Variants in ATG7 observed in about 807,000 individuals in gnomAD.
The protein encoded by ATG7 is autophagy related 7, also known as ubiquitin-like modifier-activating enzyme ATG7.
Under a neutral mutation model 82.4 loss-of-function variants are expected in ATG7, and 70 were observed. The ratio of observed to expected loss-of-function variants is 0.85; its 90% CI spans 0.70 to 1.04. ATG7 has a LOEUF of 1.04. Ranked by LOEUF, ATG7 falls within the 50% of genes least tolerant of loss-of-function variation. The probability of loss-of-function intolerance (pLI) is 0.00; values close to 1 mark genes in which losing one functional copy is unlikely to be tolerated. For synonymous variants in ATG7, 287 were observed against 313.0 expected (o/e 0.92, Z 0.88); for missense variants, 792 against 864.3 (o/e 0.92, Z 1.05).
intron 20 of ATG7, among the ~76,000 whole-genome samples, chr3:11,539,407 A>G (rs905254266): frequency 6.6e-6 from 1 of 152,262 alleles, no homozygotes; most frequent in African/African-American, 2.4e-5. Context: ...ATTAATGGCT[A>G]TAGCAGAATC....
At chr3:11,430,833 G>C (rs964384168) in intron 20 of ATG7, among the ~76,000 whole-genome samples, 2 of 152,214 alleles carry the variant, frequency 1.3e-5, no homozygotes, top group African/African-American at 4.8e-5. Context: ...GTCAAGAAAA[G>C]CTTCACAGGA....
chr3:11,503,952 T>C (rs1324941829), intron 20 of ATG7, among the ~76,000 whole-genome samples: 1 of 151,804 alleles, frequency 6.6e-6, no homozygotes, highest in East Asian at 1.9e-4. Flanking sequence ...ATTCAAATAA[T>C]AGAGTTTGCG....
At chr3:11,329,507 T>TCTTC (rs1200192612) in intron 9 of ATG7, among the ~76,000 whole-genome samples, 1 of 152,222 alleles carries the variant, frequency 6.6e-6, no homozygotes, top group East Asian at 1.9e-4. Context: ...TTCCTTTCTT[T>TCTTC]CTTCCACCCA....
intron 8 of ATG7, among the ~76,000 whole-genome samples, chr3:11,314,571 T>C (rs1949129009): frequency 6.6e-6 from 1 of 152,162 alleles, no homozygotes. Context: ...ATTATTGCTG[T>C]GGTGCTTGCA....
rs138246308 is a variant in ATG7 at position 11,468,129 on chromosome 3, G to A, written c.2079+41203G>A. Among the ~76,000 whole-genome samples, 264 of 152,340 alleles carry A rather than the reference G, an allele frequency of 1.7e-3. 1 individual carries two copies. The highest frequency in any genetic ancestry group is 5.4e-3 in the African/African-American group (226 of 41,580). ...GTCAGAAATTCAGCTATAGAAGAGCGTGACTTTCATCCCTGCTCGCCCTTT... is the reference window on the plus strand; with the variant it reads ...GTCAGAAATTCAGCTATAGAAGAGCATGACTTTCATCCCTGCTCGCCCTTT... On this transcript the variant is annotated intron_variant, in intron 20 of 20. Transcript: ENST00000693202.
chr3:11,385,399 A>G (rs531558373), intron 19 of ATG7, among the ~76,000 whole-genome samples: 3 of 152,334 alleles, frequency 2.0e-5, no homozygotes, highest in African/African-American at 7.2e-5. Flanking sequence ...CAAATGCACC[A>G]CTTAGAAAGG....
chr3:11,355,060 C>T (rs1034339791), intron 14 of ATG7, among the ~76,000 whole-genome samples: 6 of 152,222 alleles, frequency 3.9e-5, no homozygotes, highest in Non-Finnish European at 8.8e-5. Context: ...AATGAGGGAG[C>T]TGTGCACAGG....
chr3:11,481,823 CTT>C (rs748719989), intron 20 of ATG7, among the ~76,000 whole-genome samples: 116 of 152,278 alleles, frequency 7.6e-4, no homozygotes, highest in Non-Finnish European at 1.4e-3. Context: ...GTCATTTAAT[CTT>C]TGTGGACCGC....
At chr3:11,493,113 A>T (rs577307328) in intron 20 of ATG7, among the ~76,000 whole-genome samples, 1 of 152,342 alleles carries the variant, frequency 6.6e-6, no homozygotes, top group South Asian at 2.1e-4. Context: ...ACGTAGACGA[A>T]TTGAAGTTAT....
intron 20 of ATG7, among the ~76,000 whole-genome samples, chr3:11,525,922 C>T (rs889230081): frequency 6.6e-6 from 1 of 152,114 alleles, no homozygotes; most frequent in African/African-American, 2.4e-5. Context: ...TTTAATTCCT[C>T]ATGTGTAGAG....
intron 20 of ATG7, among the ~76,000 whole-genome samples, chr3:11,429,012 C>G (rs1221451699): frequency 2.6e-5 from 4 of 152,144 alleles, no homozygotes. Flanking sequence ...TGGTTTCATC[C>G]ACGAGCCTGA....
At chr3:11,468,320 G>T (rs2087048467) in intron 20 of ATG7, among the ~76,000 whole-genome samples, 1 of 152,172 alleles carries the variant, frequency 6.6e-6, no homozygotes, top group Non-Finnish European at 1.5e-5. Context: ...GGAGCTAGTG[G>T]GAGAGCACAG....
chr3:11,273,974 C>A (rs879490308), intron 1 of ATG7, among the ~76,000 whole-genome samples: 4 of 152,112 alleles, frequency 2.6e-5, no homozygotes, highest in Non-Finnish European at 5.9e-5. Flanking sequence ...AACTGCTTTC[C>A]CATCCCCCAA....
At chr3:11,491,890 T>C (rs148320985) in intron 20 of ATG7, among the ~76,000 whole-genome samples, 1,722 of 152,266 alleles carry the variant, frequency 0.011, 31 homozygotes, top group African/African-American at 0.039. Context: ...ACATTTAAGT[T>C]TGCAGAGGTT....
the ATG7 span, chr3:11,568,740 C>T: frequency 1.4e-5 from 22 of 1,529,782 alleles, no homozygotes; most frequent in Middle Eastern, 2.3e-4. The surrounding 1 kb of genome is among the most constrained non-coding windows in gnomAD (Gnocchi z 5.9). Flanking sequence ...GAAAACCGCA[C>T]GCATCCTGCC....
intron 9 of ATG7, among the ~76,000 whole-genome samples, chr3:11,329,095 C>T (rs1484888844): frequency 2.0e-5 from 3 of 152,178 alleles, no homozygotes; most frequent in African/African-American, 4.8e-5. Context: ...TAACGTGAGA[C>T]TCTGTCTCAA....
Position 11,556,508 on chromosome 3 carries a change from C to CTA in ATG7, c.*1665_*1666insTA. The CTA allele has an allele frequency of 6.5e-6, 1 of 152,784 alleles. No homozygotes were observed. Among genetic ancestry groups the CTA allele is most frequent in the East Asian group, 1.9e-4 (1 of 5,314 alleles). 9.5% of individuals were successfully genotyped at this position (152,784 alleles called of 1,614,324 possible). Reference sequence around the variant, plus strand: ...GTTTTCCTGTTACGACGCTCAGTAGCCTGTAGCAATAACAAACTCGTGGCT... The same window carrying CTA: ...GTTTTCCTGTTACGACGCTCAGTAGCTACTGTAGCAATAACAAACTCGTGGCT... On this transcript the variant is annotated 3_prime_UTR_variant, in exon 21 of 21. Coordinates refer to ENST00000693202, the MANE Select transcript of ATG7 (RefSeq NM_001349232.2).
intron 3 of ATG7, among the ~76,000 whole-genome samples, chr3:11,295,384 A>G (rs1258970215): frequency 1.3e-5 from 2 of 152,154 alleles, no homozygotes; most frequent in Non-Finnish European, 2.9e-5. Context: ...TTCTGTTGCC[A>G]AAACATCTTT....
intron 20 of ATG7, among the ~76,000 whole-genome samples, chr3:11,491,303 G>A (rs529658053): frequency 1.3e-5 from 2 of 152,222 alleles, no homozygotes; most frequent in East Asian, 3.9e-4. Context: ...TAGTTCTCAA[G>A]CCTTGGCTTT....
Sources: gnomAD v4.1 joint callset for allele counts (sites outside exome capture counted in the v4.1 genomes callset) on GRCh38, gnomAD v4.1.1 for gene constraint, Gnocchi (gnomAD v3.1) non-coding constraint, MANE v1.5 for transcripts, NCBI Gene and HGNC (gene_info 2026-07-23, HGNC 2026-07-21) for gene names.